Variants in UNC13C observed in about 807,000 individuals in gnomAD.
UNC13C encodes the protein protein unc-13 homolog C.
Under a neutral mutation model 245.4 loss-of-function variants are expected in UNC13C, and 174 were observed. The observed-to-expected ratio is 0.71, with a 90% confidence interval of 0.63 to 0.80. The LOEUF is 0.80. UNC13C is among the 30% of genes least tolerant of loss of function. The pLI, the probability that UNC13C is intolerant of heterozygous loss-of-function variation, is 0.00. For missense variants in UNC13C, 2,829 were observed against 2,602.9 expected (o/e 1.09, Z -1.89); for synonymous variants, 992 against 895.1 (o/e 1.11, Z -1.93).
intron 18 of UNC13C, among the ~76,000 whole-genome samples, chr15:54,410,541 A>T (rs493235): frequency 0.18 from 27,545 of 151,898 alleles, 2,613 homozygotes; most frequent in South Asian, 0.19. Flanking sequence ...TGATTTTTGT[A>T]TATGGTGAAA....
intron 13 of UNC13C, among the ~76,000 whole-genome samples, chr15:54,308,093 T>C (rs1425526937): frequency 6.6e-6 from 1 of 152,002 alleles, no homozygotes; most frequent in Non-Finnish European, 1.5e-5. Context: ...CTTGTTCTTC[T>C]GTTCATTGAT....
chr15:54,353,313 G>A (rs918832537), intron 17 of UNC13C, among the ~76,000 whole-genome samples: 1 of 152,118 alleles, frequency 6.6e-6, no homozygotes, highest in African/African-American at 2.4e-5. Flanking sequence ...CTGGGATGTA[G>A]GGAAGAGTAG....
the UNC13C span, among the ~76,000 whole-genome samples, chr15:53,855,962 T>A: frequency 1.3e-5 from 2 of 152,176 alleles, no homozygotes; most frequent in African/African-American, 4.8e-5. Context: ...CTGCCTCAAT[T>A]TCAGAACTTG....
chr15:53,889,029 G>C, the UNC13C span, among the ~76,000 whole-genome samples: 8 of 152,060 alleles, frequency 5.3e-5, no homozygotes, highest in South Asian at 1.7e-3. Flanking sequence ...TCTTGGCTCT[G>C]CGGGCTCTTT....
Position 54,014,751 on chromosome 15 carries a change from G to C in UNC13C, c.1848G>C (p.Gln616His). 1 of 1,613,910 alleles carries C rather than the reference G, an allele frequency of 6.2e-7. No individual in the cohort carries two copies. Among genetic ancestry groups the C allele is most frequent in the Non-Finnish European group, 8.5e-7 (1 of 1,179,836 alleles). The change falls in exon 2 of 33, where the codon CAG becomes CAC. Residue 616 changes from glutamine to histidine, a missense_variant. Coordinates refer to ENST00000260323, the MANE Select transcript of UNC13C (RefSeq NM_001080534.3). ...GAGGTGTTCAGGGTATCCAAGGGCA[G>C]ACTGAAACTGAAAACACAGAAACTG... ...LNGGVQGIQG[Q>H]TETENTETVD...
Position 54,383,873 on chromosome 15 carries a change from G to A in UNC13C, c.4714-9175G>A, listed in dbSNP as rs574006844. ...GTAGCATTTCTATCCACCAATAATG[G>A]CATAGCCAAAAAAGAAATTAAGAAG... On this transcript the variant is annotated intron_variant, in intron 17 of 32. Coordinates refer to ENST00000260323, the MANE Select transcript of UNC13C (RefSeq NM_001080534.3). 4.0e-5 allele frequency among the ~76,000 whole-genome samples: 6 copies of A among 151,830 alleles called. No homozygotes were observed. The East Asian group carries it at 7.8e-4, about 20-fold the overall frequency.
chr15:54,401,574 A>G (rs1160853885), intron 18 of UNC13C, among the ~76,000 whole-genome samples: 2 of 152,218 alleles, frequency 1.3e-5, no homozygotes, highest in Non-Finnish European at 2.9e-5. Context: ...GTGATCAACA[A>G]TTAAGTCAGA....
At chr15:54,262,911 AAAGTT>A (rs1325675813) in intron 8 of UNC13C, among the ~76,000 whole-genome samples, 3 of 152,312 alleles carry the variant, frequency 2.0e-5, no homozygotes, top group African/African-American at 7.2e-5. Context: ...TATCATAAGT[AAAGTT>A]AATAGTTGAC....
chr15:54,554,164 A>G (rs1384295924), intron 28 of UNC13C, among the ~76,000 whole-genome samples: 1 of 152,060 alleles, frequency 6.6e-6, no homozygotes, highest in African/African-American at 2.4e-5. Flanking sequence ...ATTACCAAAA[A>G]TTTACTGAGT....
intron 4 of UNC13C, among the ~76,000 whole-genome samples, chr15:54,224,274 G>T (rs1318940353): frequency 6.6e-6 from 1 of 151,964 alleles, no homozygotes; most frequent in Non-Finnish European, 1.5e-5. Flanking sequence ...TGTGTCTGTT[G>T]TATTTTTGGC....
chr15:54,471,679 A>T (rs72736532), intron 19 of UNC13C, among the ~76,000 whole-genome samples: 4 of 151,308 alleles, frequency 2.6e-5, no homozygotes, highest in African/African-American at 4.8e-5. Context: ...CATATGATCT[A>T]TCTTGGAAAA....
At chr15:54,189,823 G>A (rs529425218) in intron 4 of UNC13C, among the ~76,000 whole-genome samples, 108 of 151,936 alleles carry the variant, frequency 7.1e-4, no homozygotes, top group Middle Eastern at 3.4e-3. Flanking sequence ...TGATTGCGGC[G>A]GCATCTTGAT....
At position 53,984,079 on chromosome 15, in the gene UNC13C, A is replaced by G. The variant is rs369663239; in HGVS notation, c.-257+5152A>G. ...TTTTCTCTGAGCATCTGTTCTGCAT[A>G]CTACTGCCAAATTCATTGTCCTAAA... On this transcript the variant is annotated intron_variant, in intron 1 of 32. Coordinates refer to ENST00000260323, the MANE Select transcript of UNC13C (RefSeq NM_001080534.3). Among the ~76,000 whole-genome samples, 52 of 152,222 alleles carry G rather than the reference A, an allele frequency of 3.4e-4. No homozygotes were observed. In the East Asian group the frequency reaches 6.8e-3, roughly 20 times the overall value.
chr15:54,044,007 A>G (rs115463093), intron 2 of UNC13C, among the ~76,000 whole-genome samples: 1,940 of 152,328 alleles, frequency 0.013, 45 homozygotes, highest in African/African-American at 0.045. Flanking sequence ...ATGTACAACC[A>G]TCACCATAAT....
At chr15:54,361,500 G>T (rs1325467305) in intron 17 of UNC13C, among the ~76,000 whole-genome samples, 1 of 152,122 alleles carries the variant, frequency 6.6e-6, no homozygotes, top group African/African-American at 2.4e-5. Context: ...TACTCAATCT[G>T]TGCCCCTTGC....
chr15:53,971,320 A>C, the UNC13C span, among the ~76,000 whole-genome samples: 9 of 152,244 alleles, frequency 5.9e-5, no homozygotes, highest in Admixed American at 2.6e-4. Flanking sequence ...TATAGTTTAC[A>C]ATGTAAAATA....
chr15:54,021,096 ATAATG>A (rs1205113312), intron 2 of UNC13C, among the ~76,000 whole-genome samples: 4 of 152,214 alleles, frequency 2.6e-5, no homozygotes, highest in Non-Finnish European at 4.4e-5. Flanking sequence ...TTTATGCGGT[ATAATG>A]TAATGTTTTG....
At chr15:53,877,924 C>A in the UNC13C span, among the ~76,000 whole-genome samples, 3 of 152,138 alleles carry the variant, frequency 2.0e-5, no homozygotes, top group Non-Finnish European at 4.4e-5. Context: ...TAAATGGAAT[C>A]ATACAGTATG....
At chr15:53,955,173 T>C in the UNC13C span, among the ~76,000 whole-genome samples, 1 of 152,114 alleles carries the variant, frequency 6.6e-6, no homozygotes, top group African/African-American at 2.4e-5. Context: ...CAATTATCTA[T>C]AGTATTTCCC....
Sources: gnomAD v4.1 joint callset for allele counts (sites outside exome capture counted in the v4.1 genomes callset) on GRCh38, gnomAD v4.1.1 for gene constraint, MANE v1.5 for transcripts, NCBI Gene and HGNC (gene_info 2026-07-23, HGNC 2026-07-21) for gene names.